Variants in SFMBT2 observed in about 807,000 individuals in gnomAD.
The protein encoded by SFMBT2 is scm-like with four MBT domains protein 2.
A neutral mutation model predicts 110.1 loss-of-function variants in SFMBT2; 38 were observed. The observed-to-expected ratio is 0.35, with a 90% confidence interval of 0.27 to 0.45. The LOEUF (loss-of-function observed/expected upper bound fraction) is 0.45, where lower values mean the gene tolerates loss of function less well. Ranked by LOEUF, SFMBT2 falls within the 20% of genes least tolerant of loss-of-function variation. SFMBT2 has a pLI of 1.00. For missense variants in SFMBT2, 1,011 were observed against 1,094.9 expected, an observed-to-expected ratio of 0.92 and a Z score of 1.08; for synonymous variants, 425 against 425.4, an observed-to-expected ratio of 1.00 and a Z score of 0.01.
intron 7 of SFMBT2, among the ~76,000 whole-genome samples, chr10:7,251,950 G>C (rs570719221): frequency 6.6e-6 from 1 of 152,248 alleles, no homozygotes; most frequent in African/African-American, 2.4e-5. Context: ...TGACAGCCAC[G>C]GGGCTTCTGG....
intron 11 of SFMBT2, chr10:7,206,926 AG>A: frequency 1.0e-6 from 1 of 985,448 alleles, no homozygotes; most frequent in Non-Finnish European, 1.2e-6. Flanking sequence ...TTGAGAACCA[AG>A]ATGAAGATAA....
At chr10:7,264,030 T>G (rs970936179) in intron 7 of SFMBT2, 5 of 243,744 alleles carry the variant, frequency 2.1e-5, no homozygotes, top group Non-Finnish European at 3.3e-5. Context: ...AAGCACTGGA[T>G]GTGGAATCTT....
chr10:7,237,883 G>A (rs745795705), intron 9 of SFMBT2, among the ~76,000 whole-genome samples: 1 of 152,180 alleles, frequency 6.6e-6, no homozygotes, highest in African/African-American at 2.4e-5. Context: ...CCAGAAAGAC[G>A]ACTTCAAGCA....
intron 10 of SFMBT2, among the ~76,000 whole-genome samples, chr10:7,225,564 CCAAA>C (rs1458622668): frequency 6.6e-6 from 1 of 152,148 alleles, no homozygotes; most frequent in Non-Finnish European, 1.5e-5. Flanking sequence ...GCAGATTCAT[CCAAA>C]CAGAGAGCAT....
At chr10:7,276,849 T>C in intron 7 of SFMBT2, 43 bp downstream of exon 7, 1 of 840,604 alleles carries the variant, frequency 1.2e-6, no homozygotes, top group Non-Finnish European at 2.1e-6. Context: ...GATGATTTTA[T>C]TCTCAAAAAG....
At chr10:7,336,517 C>A (rs1425569423) in intron 4 of SFMBT2, among the ~76,000 whole-genome samples, 2 of 152,162 alleles carry the variant, frequency 1.3e-5, no homozygotes, top group Non-Finnish European at 2.9e-5. Flanking sequence ...AGGCTGGGCA[C>A]AGTGGCTCAA....
intron 11 of SFMBT2, among the ~76,000 whole-genome samples, chr10:7,207,983 A>G (rs2131618084): frequency 6.6e-6 from 1 of 152,364 alleles, no homozygotes; most frequent in South Asian, 2.1e-4. Context: ...AAGAATATAG[A>G]ATTTAAAGGA....
chr10:7,299,849 CAT>C (rs1333716051), intron 4 of SFMBT2, among the ~76,000 whole-genome samples: 1 of 152,064 alleles, frequency 6.6e-6, no homozygotes, highest in Non-Finnish European at 1.5e-5. Flanking sequence ...CACATGCACA[CAT>C]ATGTTTATTG....
chr10:7,320,484 C>T (rs965729786), intron 4 of SFMBT2: 1 of 557,022 alleles, frequency 1.8e-6, no homozygotes, highest in Non-Finnish European at 2.3e-6. Context: ...AATCTTCTTT[C>T]CTTCTATTTT....
chr10:7,198,312 G>A (rs889400590), intron 14 of SFMBT2: 4 of 211,090 alleles, frequency 1.9e-5, no homozygotes, highest in Non-Finnish European at 3.3e-5. Context: ...TCTTACTGCT[G>A]GATATTTAGT....
chr10:7,386,181 ATGTG>A (rs756648233), intron 1 of SFMBT2, among the ~76,000 whole-genome samples: 4 of 152,148 alleles, frequency 2.6e-5, no homozygotes, highest in Non-Finnish European at 5.9e-5. Flanking sequence ...TGCTGAGTGT[ATGTG>A]TGTATTTTGT....
intron 7 of SFMBT2, among the ~76,000 whole-genome samples, chr10:7,254,996 C>T (rs1169979092): frequency 1.3e-5 from 2 of 152,164 alleles, no homozygotes; most frequent in Non-Finnish European, 2.9e-5. Flanking sequence ...CAGCGAATTT[C>T]CAAATAAGCC....
intron 6 of SFMBT2, among the ~76,000 whole-genome samples, chr10:7,283,012 C>T (rs897577229): frequency 2.0e-5 from 3 of 152,180 alleles, no homozygotes; most frequent in Non-Finnish European, 4.4e-5. Flanking sequence ...AGGGGCCCAG[C>T]ACCTGGGAAT....
chr10:7,325,301 G>T (rs548821716), intron 4 of SFMBT2, among the ~76,000 whole-genome samples: 1 of 152,040 alleles, frequency 6.6e-6, no homozygotes, highest in Non-Finnish European at 1.5e-5. Context: ...GCCACACTGC[G>T]GGGGCTTCAA....
At chr10:7,392,911 T>C (rs1003765438) in intron 1 of SFMBT2, among the ~76,000 whole-genome samples, 1 of 145,102 alleles carries the variant, frequency 6.9e-6, no homozygotes, top group African/African-American at 2.5e-5. Context: ...CTCCTCACAA[T>C]TAAACAATCC....
intron 4 of SFMBT2, among the ~76,000 whole-genome samples, chr10:7,319,746 C>CAG (rs148675672): frequency 0.43 from 62,033 of 143,136 alleles, 13,786 homozygotes; most frequent in African/African-American, 0.62. Context: ...GATAGAGAGA[C>CAG]AGAGAGAGAG....
At chr10:7,338,185 A>C (rs1843774748) in intron 4 of SFMBT2, among the ~76,000 whole-genome samples, 1 of 152,248 alleles carries the variant, frequency 6.6e-6, no homozygotes, top group African/African-American at 2.4e-5. Context: ...ATTCACCAAG[A>C]GGGAAAATCA....
intron 15 of SFMBT2, among the ~76,000 whole-genome samples, chr10:7,194,597 AACT>A (rs1280269257): frequency 6.6e-6 from 1 of 152,208 alleles, no homozygotes; most frequent in African/African-American, 2.4e-5. Flanking sequence ...CGTTCTCTTT[AACT>A]AAAATGAAAT....
At chr10:7,329,290 G>A (rs1269603269) in intron 4 of SFMBT2, among the ~76,000 whole-genome samples, 1 of 152,214 alleles carries the variant, frequency 6.6e-6, no homozygotes, top group Non-Finnish European at 1.5e-5. Flanking sequence ...TTTACCCAAG[G>A]CTGGAAGCAG....
Sources: allele counts gnomAD v4.1 joint callset (sites outside exome capture counted in the v4.1 genomes callset), GRCh38; gene constraint gnomAD v4.1.1; transcripts MANE v1.5; gene names NCBI Gene and HGNC (gene_info 2026-07-23, HGNC 2026-07-21).